The following LARS2 variants were observed in gnomAD, a reference collection of about 807,000 sequenced individuals.
LARS2 encodes leucine--tRNA ligase, mitochondrial.
A neutral mutation model predicts 116.6 loss-of-function variants in LARS2; 81 were observed. The ratio of observed to expected loss-of-function variants is 0.69; its 90% CI spans 0.58 to 0.84. The LOEUF (loss-of-function observed/expected upper bound fraction) is 0.84. LARS2 is among the 40% of genes least tolerant of loss of function. The pLI is 0.00. For missense variants in LARS2, 968 were observed against 1,114.5 expected, an observed-to-expected ratio of 0.87 and a Z score of 1.87; for synonymous variants, 396 against 407.2, an observed-to-expected ratio of 0.97 and a Z score of 0.33.
At chr3:45,458,470 A>G (rs1173186430) in intron 7 of LARS2, among the ~76,000 whole-genome samples, 1 of 152,164 alleles carries the variant, frequency 6.6e-6, no homozygotes, top group African/African-American at 2.4e-5. Flanking sequence ...AAACGGGTGG[A>G]TCACGAGGTC....
chr3:45,508,042 C>T lies in LARS2; in HGVS notation c.1761-5093C>T, dbSNP rs148368445. Among the ~76,000 whole-genome samples the T allele has an allele frequency of 2.9e-3, 435 of 152,114 alleles. 3 individuals carry two copies. Among genetic ancestry groups the T allele is most frequent in the African/African-American group, 9.9e-3 (411 of 41,552 alleles). On this transcript the variant is annotated intron_variant, in intron 15 of 21. Coordinates refer to ENST00000645846, the MANE Select transcript of LARS2 (RefSeq NM_015340.4). The stretch of plus-strand genomic sequence containing the variant: ...ATGGCCCATCTTCACTGAATGAGAT[C>T]AGGAAGCCTTTTCTCTCCCTTTGTG...
At chr3:45,544,315 C>A (rs567034001) in intron 21 of LARS2, among the ~76,000 whole-genome samples, 1 of 152,344 alleles carries the variant, frequency 6.6e-6, no homozygotes, top group South Asian at 2.1e-4. Context: ...GAAGTCAGGC[C>A]ATCCTGGGTA....
intron 6 of LARS2, among the ~76,000 whole-genome samples, chr3:45,426,929 T>G (rs1315060508): frequency 6.6e-6 from 1 of 152,166 alleles, no homozygotes; most frequent in East Asian, 1.9e-4. Flanking sequence ...GCTTGTTGAG[T>G]GCTTTCAGGA....
chr3:45,533,575 C>A (rs549036994), intron 20 of LARS2, among the ~76,000 whole-genome samples: 1 of 152,312 alleles, frequency 6.6e-6, no homozygotes, highest in Admixed American at 6.5e-5. Flanking sequence ...GTTCATCTTC[C>A]TTCTTTGGCC....
At chr3:45,494,177 G>A (rs952529217) in intron 13 of LARS2, among the ~76,000 whole-genome samples, 1 of 152,088 alleles carries the variant, frequency 6.6e-6, no homozygotes, top group East Asian at 1.9e-4. Flanking sequence ...TTAAAATGCA[G>A]GGGGTCCCAA....
intron 19 of LARS2, among the ~76,000 whole-genome samples, chr3:45,521,259 C>G (rs180943523): frequency 8.5e-5 from 13 of 152,128 alleles, no homozygotes; most frequent in African/African-American, 2.7e-4. Flanking sequence ...GAGCCAAGAT[C>G]ACGCCACTGC....
intron 20 of LARS2, 48 bp from the exon 21 acceptor site, chr3:45,541,781 C>T: frequency 6.2e-7 from 1 of 1,604,834 alleles, no homozygotes; most frequent in Non-Finnish European, 8.5e-7. Flanking sequence ...TCTCATAAGC[C>T]TCCCTGTTCT....
chr3:45,415,398 T>A (rs1698396403), intron 4 of LARS2, among the ~76,000 whole-genome samples: 1 of 152,186 alleles, frequency 6.6e-6, no homozygotes, highest in Non-Finnish European at 1.5e-5. Flanking sequence ...TCTCAGCACT[T>A]TTCTTAACTC....
At chr3:45,502,931 TTATC>T (rs1211365485) in intron 15 of LARS2, among the ~76,000 whole-genome samples, 2 of 152,072 alleles carry the variant, frequency 1.3e-5, no homozygotes, top group East Asian at 3.8e-4. Flanking sequence ...TGATAATTCT[TTATC>T]TAATGTCATT....
intron 20 of LARS2, among the ~76,000 whole-genome samples, chr3:45,533,049 G>A (rs747135689): frequency 6.6e-6 from 1 of 151,248 alleles, no homozygotes; most frequent in Non-Finnish European, 1.5e-5. Flanking sequence ...CTGACAAGCT[G>A]CAGCCATATT....
chr3:45,464,283 C>T (rs553125717), intron 8 of LARS2, among the ~76,000 whole-genome samples: 63 of 152,200 alleles, frequency 4.1e-4, no homozygotes, highest in Middle Eastern at 3.4e-3. Flanking sequence ...GATGTTAGAG[C>T]GAAGAGACAG....
At chr3:45,438,183 G>A (rs1483517379) in intron 6 of LARS2, among the ~76,000 whole-genome samples, 1 of 152,084 alleles carries the variant, frequency 6.6e-6, no homozygotes. Flanking sequence ...TATTACTGTT[G>A]TCATTCCTAA....
rs1004486851 is a variant in LARS2, at chr3:45,544,642, A to G, written c.2532+2686A>G. ...AGATGTGTGACTAACCCTATCTTAC[A>G]GGCAAGGAAATGGTGGCAGGATGGA... On this transcript the variant is annotated intron_variant, in intron 21 of 21. Coordinates refer to ENST00000645846, the MANE Select transcript of LARS2 (RefSeq NM_015340.4). Among the ~76,000 whole-genome samples the G allele has an allele frequency of 2.0e-5, 3 of 152,180 alleles. No homozygotes were observed. In the East Asian group the frequency reaches 5.8e-4, roughly 29 times the overall value.
chr3:45,398,812 C>T (rs779394443), intron 3 of LARS2, among the ~76,000 whole-genome samples: 2 of 152,168 alleles, frequency 1.3e-5, no homozygotes, highest in African/African-American at 4.8e-5. Flanking sequence ...TGGGGGCAGA[C>T]GTGGAGAAAG....
chr3:45,450,951 T>A (rs929650112), intron 7 of LARS2, among the ~76,000 whole-genome samples: 2 of 152,028 alleles, frequency 1.3e-5, no homozygotes, highest in African/African-American at 4.8e-5. Flanking sequence ...ATGTTAAACA[T>A]TTTTTTTCAT....
intron 19 of LARS2, among the ~76,000 whole-genome samples, chr3:45,521,935 T>TC (rs1045774973): frequency 1.3e-4 from 20 of 151,654 alleles, no homozygotes; most frequent in African/African-American, 4.9e-4. Flanking sequence ...TAACAAGACT[T>TC]CATCTGTAAA....
intron 20 of LARS2, among the ~76,000 whole-genome samples, chr3:45,535,768 C>CACACACACACA (rs1559500395): frequency 3.0e-5 from 1 of 33,772 alleles, no homozygotes; most frequent in African/African-American, 7.8e-5. Context: ...ACACACACAC[C>CACACACACACA]CCCACACCCA....
intron 15 of LARS2, chr3:45,506,901 G>A (rs1700208149): frequency 6.6e-6 from 1 of 151,890 alleles, no homozygotes. Context: ...TGTACTTTAA[G>A]GTCTCCTTAC....
chr3:45,477,963 C>T (rs1413816277), intron 10 of LARS2, among the ~76,000 whole-genome samples: 1 of 152,198 alleles, frequency 6.6e-6, no homozygotes, highest in Non-Finnish European at 1.5e-5. Context: ...GCTGCATGCA[C>T]TCTTGGTGGG....
Sources: allele counts gnomAD v4.1 joint callset (sites outside exome capture counted in the v4.1 genomes callset), GRCh38; gene constraint gnomAD v4.1.1; transcripts MANE v1.5; gene names NCBI Gene and HGNC (gene_info 2026-07-23, HGNC 2026-07-21).